Variants in MAGI2 observed in about 807,000 individuals in gnomAD.
MAGI2 encodes membrane-associated guanylate kinase, WW and PDZ domain-containing protein 2.
A neutral mutation model predicts 133.3 loss-of-function variants in MAGI2; 35 were observed. The observed-to-expected ratio is 0.26, with a 90% CI of 0.20 to 0.35. The LOEUF is 0.35. Among genes scored for constraint, MAGI2 ranks in the 10% least tolerant of loss-of-function variants. The pLI is 1.00. For synonymous variants in MAGI2, 729 were observed against 710.6 expected (o/e 1.03, Z -0.41); for missense variants, 1,636 against 1,863.4 (o/e 0.88, Z 2.25).
chr7:78,833,504 G>A (rs929466816), intron 2 of MAGI2, among the ~76,000 whole-genome samples: 13 of 152,150 alleles, frequency 8.5e-5, no homozygotes, highest in Non-Finnish European at 1.5e-4. Flanking sequence ...AAAGAGCCCC[G>A]CTGTATTGCG....
chr7:78,072,698 T>C, intron 21 of MAGI2: 1 of 392,720 alleles, frequency 2.5e-6, no homozygotes, highest in Non-Finnish European at 4.5e-6. Context: ...TTCTTTCTTT[T>C]GAGTTGGGGT....
At chr7:78,338,614 T>C (rs1790021354) in intron 9 of MAGI2, among the ~76,000 whole-genome samples, 1 of 152,182 alleles carries the variant, frequency 6.6e-6, no homozygotes, top group Admixed American at 6.5e-5. Flanking sequence ...TCACTAAATA[T>C]TTGCTGAATT....
At chr7:78,230,695 A>G (rs1205334202) in intron 10 of MAGI2, among the ~76,000 whole-genome samples, 1 of 152,188 alleles carries the variant, frequency 6.6e-6, no homozygotes, top group Non-Finnish European at 1.5e-5. Flanking sequence ...AGGAAAAAAG[A>G]GAAACAATTG....
At chr7:78,959,228 T>A (rs2115738168) in intron 2 of MAGI2, among the ~76,000 whole-genome samples, 1 of 152,274 alleles carries the variant, frequency 6.6e-6, no homozygotes, top group Non-Finnish European at 1.5e-5. Context: ...ACCACTTGGT[T>A]CATGCAAAGT....
chr7:78,042,187 T>A (rs1810921703), intron 21 of MAGI2, among the ~76,000 whole-genome samples: 1 of 152,226 alleles, frequency 6.6e-6, no homozygotes, highest in African/African-American at 2.4e-5. Context: ...GGTTTGCTGT[T>A]GACTCCAAAG....
At chr7:78,283,247 G>A (rs1795810265) in intron 9 of MAGI2, among the ~76,000 whole-genome samples, 1 of 152,048 alleles carries the variant, frequency 6.6e-6, no homozygotes, top group African/African-American at 2.4e-5. Context: ...AAGAGTCAAA[G>A]CTTGAAATCA....
At chr7:78,682,980 A>T (rs1042204393) in intron 2 of MAGI2, among the ~76,000 whole-genome samples, 7 of 152,242 alleles carry the variant, frequency 4.6e-5, no homozygotes, top group Admixed American at 2.0e-4. Flanking sequence ...GTATAAGAAC[A>T]ATAATAAGTA....
intron 10 of MAGI2, among the ~76,000 whole-genome samples, chr7:78,246,450 G>A (rs181328101): frequency 6.6e-6 from 1 of 152,250 alleles, no homozygotes; most frequent in East Asian, 1.9e-4. Context: ...CTGCATCCCA[G>A]AGAAACAGCA....
At chr7:79,336,668 C>G (rs1706842145) in intron 1 of MAGI2, among the ~76,000 whole-genome samples, 1 of 151,990 alleles carries the variant, frequency 6.6e-6, no homozygotes, top group African/African-American at 2.4e-5. Flanking sequence ...TATTTGACTT[C>G]TTTTAAGCTT....
Position 78,288,812 on chromosome 7 carries a change from C to T in MAGI2, c.1409-32231G>A, listed in dbSNP as rs557858152. 1.1e-4 allele frequency among the ~76,000 whole-genome samples: 16 copies of T among 152,332 alleles called. No individual in the cohort carries two copies. In the South Asian group the frequency reaches 3.3e-3, roughly 32 times the overall value. ...TCTGCAATATTTGCTGTTCTGCAGC[C>T]TCCGCTGGTGATACCCAGGCAAACA... On this transcript the variant is annotated intron_variant, in intron 9 of 21. Transcript: ENST00000354212.
rs575402472 is a variant in MAGI2 at position 78,369,083 on chromosome 7, G to A, written c.1103+73C>T. ...AATGAAGGGGCTGTGAGCCACACAT[G>A]CTCAATAAATAAAATACTAACATAA... is the stretch of plus-strand genomic sequence containing the variant. On this transcript the variant is annotated intron_variant, in intron 7 of 21. Transcript: ENST00000354212. 6.3e-6 allele frequency: 7 copies of A among 1,104,720 alleles called. No individual in the cohort carries two copies. The Admixed American group carries it at 8.5e-5, about 13-fold the overall frequency. 68.4% of individuals were successfully genotyped at this position (1,104,720 alleles called of 1,614,324 possible).
intron 4 of MAGI2, 105 bp from the exon 5 acceptor site, chr7:78,501,892 T>A: frequency 2.6e-6 from 2 of 779,268 alleles, no homozygotes; most frequent in African/African-American, 1.7e-5. Context: ...ATAACTTCTA[T>A]GAAGGCTAAC....
intron 2 of MAGI2, among the ~76,000 whole-genome samples, chr7:78,636,116 A>C (rs931952086): frequency 1.3e-5 from 2 of 152,220 alleles, no homozygotes; most frequent in Non-Finnish European, 2.9e-5. Context: ...TATTAAGTAT[A>C]AAAATTATTA....
chr7:78,762,829 T>TA (rs1213434012), intron 2 of MAGI2, among the ~76,000 whole-genome samples: 1 of 152,224 alleles, frequency 6.6e-6, no homozygotes, highest in African/African-American at 2.4e-5. Flanking sequence ...CACCTGTGTC[T>TA]ATAACTAGCA....
At chr7:78,411,429 C>A (rs1274063388) in intron 6 of MAGI2, among the ~76,000 whole-genome samples, 1 of 151,984 alleles carries the variant, frequency 6.6e-6, no homozygotes, top group Non-Finnish European at 1.5e-5. Context: ...TTTCTTAATA[C>A]TTAGAATGGT....
chr7:78,955,811 T>C (rs1802332120), intron 2 of MAGI2, among the ~76,000 whole-genome samples: 1 of 150,174 alleles, frequency 6.7e-6, no homozygotes, highest in East Asian at 2.0e-4. Flanking sequence ...TCATTCTTTC[T>C]TTCTTCCTTC....
At chr7:78,420,040 T>C (rs952982609) in intron 6 of MAGI2, among the ~76,000 whole-genome samples, 2 of 152,204 alleles carry the variant, frequency 1.3e-5, no homozygotes, top group African/African-American at 4.8e-5. Flanking sequence ...TTGGAGTTCC[T>C]GTTATTATTC....
chr7:79,055,972 G>A (rs1040638558), intron 1 of MAGI2, among the ~76,000 whole-genome samples: 3 of 152,174 alleles, frequency 2.0e-5, no homozygotes, highest in African/African-American at 7.2e-5. Context: ...AATGGTGTCT[G>A]AGGCTGATTT....
chr7:78,160,835 T>C (rs1443886145), intron 15 of MAGI2, among the ~76,000 whole-genome samples: 1 of 152,202 alleles, frequency 6.6e-6, no homozygotes, highest in East Asian at 1.9e-4. Context: ...GCCATCCATG[T>C]AAAGTTAACT....
Sources: allele counts gnomAD v4.1 joint callset (sites outside exome capture counted in the v4.1 genomes callset), GRCh38; gene constraint gnomAD v4.1.1; transcripts MANE v1.5; gene names NCBI Gene and HGNC (gene_info 2026-07-23, HGNC 2026-07-21).